VWA8: variants seen among roughly 807,000 people sequenced by gnomAD.
The protein encoded by VWA8 is von Willebrand factor A domain-containing protein 8.
Under a neutral mutation model 241.5 loss-of-function variants are expected in VWA8, and 221 were observed. The observed-to-expected ratio is 0.91, with a 90% CI of 0.82 to 1.02. The LOEUF (loss-of-function observed/expected upper bound fraction) is 1.02, where lower values mean the gene tolerates loss of function less well. Among genes scored for constraint, VWA8 ranks in the 50% least tolerant of loss-of-function variants. The probability of loss-of-function intolerance (pLI) is 0.00; values close to 1 mark genes in which losing one functional copy is unlikely to be tolerated. For synonymous variants in VWA8, 852 were observed against 827.1 expected, an observed-to-expected ratio of 1.03 and a Z score of -0.52; for missense variants, 2,322 against 2,328.7, an observed-to-expected ratio of 1.00 and a Z score of 0.06.
chr13:41,833,676 T>C (rs2138005341), intron 12 of VWA8, 145 bp from the exon 13 acceptor site: 1 of 1,042,100 alleles, frequency 9.6e-7, no homozygotes, highest in Non-Finnish European at 1.3e-6. Context: ...CTCCAATTCC[T>C]AAAACGAAAG....
intron 37 of VWA8, among the ~76,000 whole-genome samples, chr13:41,639,584 C>T (rs1456128114): frequency 1.3e-5 from 2 of 152,154 alleles, no homozygotes; most frequent in Non-Finnish European, 2.9e-5. Context: ...GAAATGCTAC[C>T]TTTGAAATGG....
Position 41,816,760 on chromosome 13 carries a change from G to C in VWA8, c.1885C>G (p.Gln629Glu). ...GATAATAACTTATCCAGAGCTTCCT[G>C]AGGTACATTTGGGACCTATTTTTTG... ...VIKEKVPNVP[Q>E]EALDKLLSFT... The change falls in exon 16 of 45, where the codon CAG (glutamine) becomes GAG (glutamate). Residue 629 changes from glutamine to glutamate, a missense_variant. Coordinates refer to ENST00000379310, the MANE Select transcript of VWA8 (RefSeq NM_015058.2). 1 of 1,613,424 alleles carries C rather than the reference G, an allele frequency of 6.2e-7. No homozygotes were observed. Among genetic ancestry groups the C allele is most frequent in the African/African-American group, 1.3e-5 (1 of 74,988 alleles).
intron 42 of VWA8, among the ~76,000 whole-genome samples, chr13:41,578,914 T>A (rs556840991): frequency 6.6e-6 from 1 of 152,350 alleles, no homozygotes; most frequent in Admixed American, 6.5e-5. Flanking sequence ...TCTGTTTAAA[T>A]GCCCTTTTGC....
At chr13:41,926,069 G>A (rs1328174223) in intron 2 of VWA8, 2 of 471,256 alleles carry the variant, frequency 4.2e-6, no homozygotes, top group African/African-American at 2.0e-5. Flanking sequence ...AAGTCATGGT[G>A]AATCCCAGAA....
intron 35 of VWA8, among the ~76,000 whole-genome samples, chr13:41,682,865 TACTC>T (rs1263929254): frequency 6.6e-6 from 1 of 152,104 alleles, no homozygotes; most frequent in African/African-American, 2.4e-5. Flanking sequence ...TAAAACAAAA[TACTC>T]AACATCATTA....
At chr13:41,687,237 T>C (rs1006116675) in intron 34 of VWA8, among the ~76,000 whole-genome samples, 1 of 152,156 alleles carries the variant, frequency 6.6e-6, no homozygotes, top group African/African-American at 2.4e-5. Context: ...TTATATATCA[T>C]GTCTAAGACA....
In VWA8 at chr13:41,937,386, G is replaced by C. The variant is rs545007618; in HGVS notation, c.241+12550C>G. On this transcript the variant is annotated intron_variant, in intron 2 of 44. Transcript: ENST00000379310. ...AGACAGTCCCATCTGGGGGTGATGG[G>C]AGACAGTGAGAGATCGTCAGGCATT... Among the ~76,000 whole-genome samples, 3 of 152,308 alleles carry C rather than the reference G, an allele frequency of 2.0e-5. No individual in the cohort carries two copies. In the East Asian group the frequency reaches 5.8e-4, roughly 29 times the overall value.
At chr13:41,951,289 T>C (rs570224557) in intron 1 of VWA8, among the ~76,000 whole-genome samples, 3 of 152,168 alleles carry the variant, frequency 2.0e-5, no homozygotes, top group African/African-American at 7.2e-5. Flanking sequence ...TGGTGGTACG[T>C]ACCTGTAATC....
At chr13:41,680,593 C>CAT (rs2045091995) in intron 35 of VWA8, among the ~76,000 whole-genome samples, 1 of 152,140 alleles carries the variant, frequency 6.6e-6, no homozygotes, top group Non-Finnish European at 1.5e-5. Flanking sequence ...CAAATGGCAA[C>CAT]ATATGAAAGG....
intron 4 of VWA8, among the ~76,000 whole-genome samples, chr13:41,903,003 A>T (rs2138100953): frequency 6.6e-6 from 1 of 152,372 alleles, no homozygotes; most frequent in Non-Finnish European, 1.5e-5. Flanking sequence ...CTAACAGTGA[A>T]TAAAAATACT....
At position 41,784,890 on chromosome 13, in the gene VWA8, G is replaced by C. The variant is rs186859644; in HGVS notation, c.2171-989C>G. Among the ~76,000 whole-genome samples the C allele has an allele frequency of 8.0e-3, 1,208 of 150,372 alleles. 8 individuals carry two copies. Among genetic ancestry groups the C allele is most frequent in the Non-Finnish European group, 9.5e-3 (644 of 67,634 alleles). On this transcript the variant is annotated intron_variant, in intron 18 of 44. Transcript: ENST00000379310. Reference sequence around the variant, plus strand: ...TCATACCCAGCCAGATTGGGAAACTGTCTTATGCAATTATTTTGTAATAAT... The same window carrying C: ...TCATACCCAGCCAGATTGGGAAACTCTCTTATGCAATTATTTTGTAATAAT...
chr13:41,703,664 A>G (rs1180120601), intron 26 of VWA8, among the ~76,000 whole-genome samples: 2 of 152,208 alleles, frequency 1.3e-5, no homozygotes, highest in African/African-American at 2.4e-5. Context: ...GACAAATACA[A>G]TTGATTTACA....
chr13:41,664,656 C>CA (rs1566407093), intron 37 of VWA8, among the ~76,000 whole-genome samples: 5 of 152,124 alleles, frequency 3.3e-5, no homozygotes, highest in South Asian at 2.1e-4. Flanking sequence ...ACGGCCTGGA[C>CA]AGACTTTCGA....
At chr13:41,934,605 T>G (rs1877268416) in intron 2 of VWA8, among the ~76,000 whole-genome samples, 1 of 151,924 alleles carries the variant, frequency 6.6e-6, no homozygotes, top group African/African-American at 2.4e-5. Flanking sequence ...GAATACCACT[T>G]AGAAAGAAAA....
chr13:41,719,746 T>C lies in VWA8; in HGVS notation c.2965-4A>G, dbSNP rs534132855. The C allele has an allele frequency of 5.8e-5, 93 of 1,600,978 alleles. 1 individual carries two copies. In the South Asian group the frequency reaches 8.3e-4, roughly 14 times the overall value. On this transcript the variant is annotated splice_polypyrimidine_tract_variant and splice_region_variant and intron_variant, in intron 25 of 44. Transcript: ENST00000379310. ...AGAGACCTTCAGTCGGAAATTTCTG[T>C]ATTAAAAAAAAATTCCCTTATTATG...
intron 40 of VWA8, among the ~76,000 whole-genome samples, chr13:41,603,267 T>G (rs904530137): frequency 4.6e-5 from 7 of 152,172 alleles, no homozygotes; most frequent in African/African-American, 1.4e-4. Context: ...GTCTCACTGT[T>G]GTGGTGATTA....
chr13:41,904,139 T>C (rs1277760785), intron 4 of VWA8, among the ~76,000 whole-genome samples: 1 of 152,196 alleles, frequency 6.6e-6, no homozygotes, highest in Non-Finnish European at 1.5e-5. Flanking sequence ...CAAAGGACTG[T>C]ATAACTTCAG....
In VWA8 at chr13:41,886,823, A is replaced by G. The variant is rs754155073; in HGVS notation, c.824T>C (p.Leu275Pro). The G allele has an allele frequency of 6.3e-7, 1 of 1,589,884 alleles. No homozygotes were observed. The highest frequency in any genetic ancestry group is 8.5e-7 in the Non-Finnish European group (1 of 1,170,978). Residue 275 changes from leucine (L) to proline (P), a missense_variant, in exon 7 of 45, where the codon CTT (leucine) becomes CCT (proline). Transcript: ENST00000379310. ...DIYYLPFKDQ[L>P]KLLYSIGANV... ...GGCTCCAATTGAATATAACAACTTA[A>G]GTTGGTCCTAAAGTAATACAGAAAC...
chr13:41,923,401 T>A (rs1258239378), intron 2 of VWA8, among the ~76,000 whole-genome samples: 1 of 152,190 alleles, frequency 6.6e-6, no homozygotes, highest in African/African-American at 2.4e-5. Context: ...AACCTGCACG[T>A]TGTGCACATG....
Sources: gnomAD v4.1 joint callset for allele counts (sites outside exome capture counted in the v4.1 genomes callset) on GRCh38, gnomAD v4.1.1 for gene constraint, MANE v1.5 for transcripts, NCBI Gene and HGNC (gene_info 2026-07-23, HGNC 2026-07-21) for gene names.